The following VTA1 variants were observed in gnomAD, a reference collection of about 807,000 sequenced individuals.
VTA1 encodes vesicle trafficking 1.
VTA1 carries 24 observed loss-of-function variants against 36.9 expected under a neutral mutation model. That is an observed-to-expected ratio of 0.65 (90% CI 0.47 to 0.91). VTA1 has a LOEUF of 0.91. VTA1 is among the 40% of genes least tolerant of loss of function. The pLI, the probability that VTA1 is intolerant of heterozygous loss-of-function variation, is 0.00. For synonymous variants in VTA1, 142 were observed against 130.2 expected (o/e 1.09, Z -0.62); for missense variants, 393 against 377.2 (o/e 1.04, Z -0.35).
intron 4 of VTA1, among the ~76,000 whole-genome samples, chr6:142,188,124 G>A (rs906295368): frequency 4.7e-5 from 7 of 150,536 alleles, no homozygotes; most frequent in Non-Finnish European, 7.4e-5. Context: ...GGCCAGGCTG[G>A]TCTCCAACTC....
intron 1 of VTA1, 25 bp from the exon 2 acceptor site, chr6:142,166,203 C>A (rs746610256): frequency 2.0e-6 from 3 of 1,519,054 alleles, no homozygotes; most frequent in South Asian, 1.2e-5. Context: ...TGAAATTGTT[C>A]AAATTATCTT....
At chr6:142,195,702 CT>C (rs775770665) in intron 5 of VTA1, among the ~76,000 whole-genome samples, 1 of 148,096 alleles carries the variant, frequency 6.8e-6, no homozygotes, top group Non-Finnish European at 1.5e-5. Flanking sequence ...CAGTTTCCCT[CT>C]AAGCATTGGT....
At chr6:142,211,681 G>A (rs920338017) in intron 7 of VTA1, among the ~76,000 whole-genome samples, 4 of 149,704 alleles carry the variant, frequency 2.7e-5, no homozygotes, top group African/African-American at 4.9e-5. Context: ...ACTGCAGTCC[G>A]GCCTGGGCGA....
intron 5 of VTA1, among the ~76,000 whole-genome samples, chr6:142,194,645 C>G (rs1343493185): frequency 6.6e-6 from 1 of 151,918 alleles, no homozygotes; most frequent in Non-Finnish European, 1.5e-5. Flanking sequence ...CTGATAATTA[C>G]TTTGTAAATT....
rs543036678 is a variant in VTA1 at position 142,221,751 on chromosome 6, A to T, written c.*3108A>T. Reference sequence around the variant, plus strand: ...GCGGATCATCTGAGGTCAGGAGTATATATTTATTAATATATAAATATGTAT... The same window carrying T: ...GCGGATCATCTGAGGTCAGGAGTATTTATTTATTAATATATAAATATGTAT... On this transcript the variant is annotated 3_prime_UTR_variant, in exon 8 of 8. Transcript: ENST00000367630. The T allele has an allele frequency of 6.7e-6, 1 of 148,762 alleles. No homozygotes were observed. Among genetic ancestry groups the T allele is most frequent in the South Asian group, 2.1e-4 (1 of 4,768 alleles). 9.2% of individuals were successfully genotyped at this position (148,762 alleles called of 1,614,324 possible).
intron 1 of VTA1, among the ~76,000 whole-genome samples, chr6:142,153,551 T>C (rs181958526): frequency 4.6e-5 from 7 of 152,226 alleles, no homozygotes; most frequent in African/African-American, 1.4e-4. Flanking sequence ...ATGGGAATTT[T>C]CTAGTGTTTT....
intron 7 of VTA1, among the ~76,000 whole-genome samples, chr6:142,209,379 A>G (rs1225094203): frequency 6.6e-6 from 1 of 151,628 alleles, no homozygotes; most frequent in Non-Finnish European, 1.5e-5. Context: ...CGTTGTGTAT[A>G]TACACTATGT....
chr6:142,168,117 C>T (rs1403099612), intron 2 of VTA1, among the ~76,000 whole-genome samples: 1 of 152,146 alleles, frequency 6.6e-6, no homozygotes, highest in East Asian at 1.9e-4. Context: ...AGTTTTAAAA[C>T]TTCAAGTATA....
intron 4 of VTA1, among the ~76,000 whole-genome samples, chr6:142,187,166 A>G (rs961877705): frequency 2.0e-5 from 3 of 152,190 alleles, no homozygotes; most frequent in South Asian, 2.1e-4. Flanking sequence ...TGCGCCCACT[A>G]TTTTGCACTC....
At chr6:142,155,923 A>G (rs1339716995) in intron 1 of VTA1, among the ~76,000 whole-genome samples, 1 of 152,226 alleles carries the variant, frequency 6.6e-6, no homozygotes, top group African/African-American at 2.4e-5. Context: ...GAAGGCTTAC[A>G]CTGTGCTACC....
At chr6:142,147,588 C>T (rs778978069) in intron 1 of VTA1, among the ~76,000 whole-genome samples, 189 bp downstream of exon 1, 1 of 152,198 alleles carries the variant, frequency 6.6e-6, no homozygotes, top group Non-Finnish European at 1.5e-5. Context: ...CCATGGTGTC[C>T]ACTGCTTCTC....
chr6:142,160,094 T>C (rs779383909), intron 1 of VTA1, among the ~76,000 whole-genome samples: 21 of 152,222 alleles, frequency 1.4e-4, no homozygotes, highest in Non-Finnish European at 2.2e-4. Flanking sequence ...GAGTTTGTCA[T>C]CTTTCTTTGA....
intron 4 of VTA1, among the ~76,000 whole-genome samples, chr6:142,173,274 T>C (rs867195850): frequency 6.6e-6 from 1 of 152,204 alleles, no homozygotes; most frequent in East Asian, 1.9e-4. Context: ...TAAACACTTA[T>C]TTTTGCAGTG....
intron 4 of VTA1, among the ~76,000 whole-genome samples, chr6:142,179,620 T>G (rs1775188964): frequency 6.6e-6 from 1 of 152,128 alleles, no homozygotes; most frequent in African/African-American, 2.4e-5. Flanking sequence ...TATGATTCCC[T>G]TCATATACAT....
chr6:142,176,711 T>A (rs187878749), intron 4 of VTA1, among the ~76,000 whole-genome samples: 4 of 152,078 alleles, frequency 2.6e-5, no homozygotes, highest in Non-Finnish European at 4.4e-5. Context: ...TACAGATAGA[T>A]ATACAGCATA....
rs1775350370 is a variant in VTA1, at chr6:142,186,835, G to A, written c.412-2591G>A. Among the ~76,000 whole-genome samples, 3 of 151,880 alleles carry A rather than the reference G, an allele frequency of 2.0e-5. No individual in the cohort carries two copies. In the South Asian group the frequency reaches 6.2e-4, roughly 32 times the overall value. Reference sequence around the variant, plus strand: ...GCATATGAAGAGGTTAAAAAAAAAAGCTAGATGGCAGGATCATGATGTTTG... The same window carrying A: ...GCATATGAAGAGGTTAAAAAAAAAAACTAGATGGCAGGATCATGATGTTTG... On this transcript the variant is annotated intron_variant, in intron 4 of 7. Coordinates refer to ENST00000367630, the MANE Select transcript of VTA1 (RefSeq NM_016485.5).
At chr6:142,186,776 T>A (rs1775347404) in intron 4 of VTA1, among the ~76,000 whole-genome samples, 1 of 151,900 alleles carries the variant, frequency 6.6e-6, no homozygotes, top group Non-Finnish European at 1.5e-5. Context: ...TTAAGAATAA[T>A]AAATTTATCA....
intron 5 of VTA1, among the ~76,000 whole-genome samples, chr6:142,189,843 G>A (rs1048932948): frequency 7.2e-5 from 11 of 151,766 alleles, no homozygotes; most frequent in Admixed American, 3.9e-4. Context: ...TGGGAGCTCC[G>A]CCTCGCAGGT....
intron 1 of VTA1, among the ~76,000 whole-genome samples, chr6:142,161,718 C>T (rs1372451877): frequency 3.9e-5 from 6 of 151,982 alleles, no homozygotes; most frequent in Non-Finnish European, 1.5e-5. Flanking sequence ...ATTAATTTTT[C>T]ATCGTATTGC....
Sources: allele counts gnomAD v4.1 joint callset (sites outside exome capture counted in the v4.1 genomes callset), GRCh38; gene constraint gnomAD v4.1.1; transcripts MANE v1.5; gene names NCBI Gene and HGNC (gene_info 2026-07-23, HGNC 2026-07-21).